PHGDH: variants seen among roughly 807,000 people sequenced by gnomAD.
The protein encoded by PHGDH is D-3-phosphoglycerate dehydrogenase.
PHGDH carries 50 observed loss-of-function variants against 52.6 expected under a neutral mutation model. That is an observed-to-expected ratio of 0.95 (90% CI 0.76 to 1.20). The LOEUF (loss-of-function observed/expected upper bound fraction) is 1.20. PHGDH is among the 50% of genes most tolerant of loss of function. PHGDH has a pLI of 0.00. For missense variants in PHGDH, 630 were observed against 684.6 expected (o/e 0.92, Z 0.89); for synonymous variants, 271 against 280.5 (o/e 0.97, Z 0.34).
rs768707617 is a variant in PHGDH at position 119,721,280 on chromosome 1, G to T, written c.249G>T (p.Val83=). 6.2e-7 allele frequency: 1 copy of T among 1,614,020 alleles called. No homozygotes were observed. Among genetic ancestry groups the T allele is most frequent in the Non-Finnish European group, 8.5e-7 (1 of 1,180,012 alleles). The change falls in exon 2 of 12, where the codon GTG becomes GTT. Residue 83 remains valine, a synonymous_variant. Coordinates refer to ENST00000641023, the MANE Select transcript of PHGDH (RefSeq NM_006623.4). ...VGRAGTGVDN[V]DLEAATRKGI... Reference sequence around the variant, plus strand: ...GGGCTGGCACAGGTGTGGACAATGTGGATCTGGAGGCCGCAACAAGGAAGG... The same window carrying T: ...GGGCTGGCACAGGTGTGGACAATGTTGATCTGGAGGCCGCAACAAGGAAGG...
chr1:119,728,681 G>T (rs1037649506), intron 5 of PHGDH, among the ~76,000 whole-genome samples: 1 of 152,208 alleles, frequency 6.6e-6, no homozygotes, highest in African/African-American at 2.4e-5. Context: ...AGCTAAGAGA[G>T]GGGATCTGCA....
intron 3 of PHGDH, chr1:119,724,580 A>T: frequency 5.4e-6 from 2 of 367,694 alleles, no homozygotes; most frequent in Non-Finnish European, 1.0e-5. Context: ...CTCCCAGAAC[A>T]TCTAGGCTGA....
At position 119,712,168 on chromosome 1, in the gene PHGDH, G is replaced by C. The variant is rs1650723578; in HGVS notation, c.138+8G>C. On this transcript the variant is annotated splice_region_variant and intron_variant, in intron 1 of 11. Transcript: ENST00000641023. ...CTGATAGCGGAGCTGCAGGTAAGGC[G>C]AGAGAGAGAAAATTGAGGTCTCTAG... 1 of 1,612,790 alleles carries C rather than the reference G, an allele frequency of 6.2e-7. No homozygotes were observed.
intron 9 of PHGDH, 136 bp from the exon 10 acceptor site, chr1:119,741,631 G>A: frequency 1.2e-6 from 1 of 804,852 alleles, no homozygotes; most frequent in South Asian, 1.4e-5. Context: ...GAGTGGACCT[G>A]CCTGGAGCAA....
rs1250766333 is a variant in PHGDH, at chr1:119,744,045, G to A, written c.*5G>A. 6.2e-7 allele frequency: 1 copy of A among 1,613,834 alleles called. No individual in the cohort carries two copies. Among genetic ancestry groups the A allele is most frequent in the South Asian group, 1.1e-5 (1 of 91,068 alleles). On this transcript the variant is annotated 3_prime_UTR_variant, in exon 12 of 12. Coordinates refer to ENST00000641023, the MANE Select transcript of PHGDH (RefSeq NM_006623.4). ...GCCTTCCAGTTCCACTTCTAACCTT[G>A]GAGCTCACTGGTCCCTGCCTCTGGG... is the stretch of plus-strand genomic sequence containing the variant.
chr1:119,719,128 G>GA (rs1363829668), intron 1 of PHGDH, among the ~76,000 whole-genome samples: 1 of 152,122 alleles, frequency 6.6e-6, no homozygotes, highest in African/African-American at 2.4e-5. Flanking sequence ...GCTATGGGGG[G>GA]AAATCAGAAT....
rs730882181 is a variant in PHGDH at position 119,735,362 on chromosome 1, AG to A, written c.714del (p.Ile239SerfsTer69). On this transcript the variant is annotated frameshift_variant, in exon 7 of 12. Transcript: ENST00000641023. LOFTEE classifies it high-confidence loss of function. ...GVRVVNCARG[G>X]IVDEGALLRA... Reference sequence around the variant, plus strand: ...TGCGTGTGGTGAACTGTGCCCGTGGAGGGATCGTGGACGAAGGCGCCCTGCT... The same window carrying A: ...TGCGTGTGGTGAACTGTGCCCGTGGAGGATCGTGGACGAAGGCGCCCTGCT... The A allele has an allele frequency of 1.2e-6, 2 of 1,614,100 alleles. No homozygotes were observed. The highest frequency in any genetic ancestry group is 1.7e-6 in the Non-Finnish European group (2 of 1,180,052).
intron 1 of PHGDH, among the ~76,000 whole-genome samples, chr1:119,714,884 T>C (rs973500765): frequency 6.6e-6 from 1 of 152,112 alleles, no homozygotes; most frequent in Non-Finnish European, 1.5e-5. Flanking sequence ...GCCACTGCAA[T>C]CCAGCCTGGG....
chr1:119,726,284 C>T (rs1437534681), intron 3 of PHGDH, among the ~76,000 whole-genome samples: 1 of 151,272 alleles, frequency 6.6e-6, no homozygotes, highest in African/African-American at 2.4e-5. Flanking sequence ...ACCACGCATT[C>T]AGGACAGAAT....
Position 119,740,194 on chromosome 1 carries a change from G to A in PHGDH, c.946-192G>A, listed in dbSNP as rs1052126379. The A allele has an allele frequency of 2.5e-5, 15 of 608,950 alleles. No homozygotes were observed. The African/African-American group carries it at 2.6e-4, about 10-fold the overall frequency. The allele number at this position is 608,950 out of a possible 1,614,324, so 37.7% of individuals were successfully genotyped here. On this transcript the variant is annotated intron_variant, in intron 8 of 11. Coordinates refer to ENST00000641023, the MANE Select transcript of PHGDH (RefSeq NM_006623.4). ...TTCTGTGTCCATTTCTGGCTCCACA[G>A]CTTTCTTCATTTGTAGGAACAAGTC... is the stretch of plus-strand genomic sequence containing the variant.
At chr1:119,720,835 T>A in intron 1 of PHGDH, 1 of 378,742 alleles carries the variant, frequency 2.6e-6, no homozygotes, top group Non-Finnish European at 5.1e-6. Context: ...ATGTGTCTGA[T>A]GGACATCCAG....
intron 6 of PHGDH, 107 bp from the exon 7 acceptor site, chr1:119,735,188 G>A (rs1273159730): frequency 1.5e-5 from 21 of 1,442,806 alleles, no homozygotes; most frequent in Non-Finnish European, 2.0e-5. Flanking sequence ...CAGGAGAGAG[G>A]CTCTGGGAAA....
rs1025359523 is a variant in PHGDH, at chr1:119,735,187, G to T, written c.644-108G>T. 6 of 1,429,522 alleles carry T rather than the reference G, an allele frequency of 4.2e-6. No individual in the cohort carries two copies. In the African/African-American group the frequency reaches 7.0e-5, roughly 17 times the overall value. The allele number at this position is 1,429,522 out of a possible 1,614,324, so 88.6% of individuals were successfully genotyped here. ...AGAGGCTGCCGTCCAGCAGGAGAGAGGCTCTGGGAAAGAGCTGGCTCAAGG... is the reference window on the plus strand; with the variant it reads ...AGAGGCTGCCGTCCAGCAGGAGAGATGCTCTGGGAAAGAGCTGGCTCAAGG... On this transcript the variant is annotated intron_variant, in intron 6 of 11. Coordinates refer to ENST00000641023, the MANE Select transcript of PHGDH (RefSeq NM_006623.4).
Position 119,734,698 on chromosome 1 carries a change from C to T in PHGDH, c.575C>T (p.Pro192Leu), listed in dbSNP as rs1651854525. The T allele has an allele frequency of 1.9e-6, 3 of 1,613,984 alleles. No individual in the cohort carries two copies. Among genetic ancestry groups the T allele is most frequent in the Admixed American group, 3.3e-5 (2 of 60,008 alleles). The change falls in exon 6 of 12, where the codon CCC becomes CTC. Residue 192 changes from proline to leucine, a missense_variant. By Grantham distance (98) the Pro-to-Leu change is moderately conservative (BLOSUM62 -3). Transcript: ENST00000641023. The part of the protein sequence containing the change: ...VSASFGVQQL[P>L]LEEIWPLCDF... ...GCCTCCTTTGGTGTTCAGCAGCTGC[C>T]CCTGGAGGAGATCTGGCCTCTCTGT...
At chr1:119,725,222 C>A (rs1352107359) in intron 3 of PHGDH, among the ~76,000 whole-genome samples, 1 of 152,236 alleles carries the variant, frequency 6.6e-6, no homozygotes, top group Non-Finnish European at 1.5e-5. Flanking sequence ...ACATTAGAGT[C>A]CTCTCCAGTC....
In PHGDH at chr1:119,744,026, C is replaced by T. The variant is rs752360672; in HGVS notation, c.1588C>T (p.Gln530Ter). ...GAAGCAGCATGTGACTGAAGCCTTC[C>T]AGTTCCACTTCTAACCTTGGAGCTC... ...AWKQHVTEAFQFHF is the reference protein window; with the variant it reads ...AWKQHVTEAF Residue 530 changes from glutamine to a stop codon, truncating the protein, a stop_gained, in exon 12 of 12, where the codon CAG becomes TAG. Transcript: ENST00000641023. LOFTEE classifies it high-confidence loss of function. 3 of 1,614,192 alleles carry T rather than the reference C, an allele frequency of 1.9e-6. No individual in the cohort carries two copies. The highest frequency in any genetic ancestry group is 2.2e-5 in the East Asian group (1 of 44,890).
At chr1:119,735,272 G>A (rs1429529506) in intron 6 of PHGDH, 23 bp from the exon 7 acceptor site, 8 of 1,614,118 alleles carry the variant, frequency 5.0e-6, no homozygotes, top group Non-Finnish European at 6.8e-6. Flanking sequence ...GCCCCAGCAG[G>A]AAGATGCTTC....
At chr1:119,712,303 A>ACCCC in intron 1 of PHGDH, 143 bp downstream of exon 1, 1 of 518,608 alleles carries the variant, frequency 1.9e-6, no homozygotes, top group Non-Finnish European at 3.7e-6. Flanking sequence ...GTAGAGAAGA[A>ACCCC]CGGGGGCGGG....
intron 6 of PHGDH, 50 bp from the exon 7 acceptor site, chr1:119,735,245 G>A (rs141254922): frequency 2.1e-5 from 34 of 1,612,344 alleles, no homozygotes; most frequent in Middle Eastern, 3.3e-4. Context: ...AGGGATGAGC[G>A]TGGGGATCCT....
Sources: allele counts gnomAD v4.1 joint callset (sites outside exome capture counted in the v4.1 genomes callset), GRCh38; gene constraint gnomAD v4.1.1; transcripts MANE v1.5; gene names NCBI Gene and HGNC (gene_info 2026-07-23, HGNC 2026-07-21).